The following COX11 variants were observed in gnomAD, a reference collection of about 807,000 sequenced individuals.
The protein encoded by COX11 is cytochrome c oxidase copper chaperone COX11.
In COX11, 18 loss-of-function variants were observed where a neutral mutation model predicts 29.4. The observed-to-expected ratio is 0.61, with a 90% CI of 0.42 to 0.91. The LOEUF is 0.91. Among genes scored for constraint, COX11 ranks in the 40% least tolerant of loss-of-function variants. The pLI is 0.00. For missense variants in COX11, 312 were observed against 346.0 expected (o/e 0.90, Z 0.78); for synonymous variants, 131 against 124.0 (o/e 1.06, Z -0.38).
exon 1 of COX11, chr17:54,954,606 C>G (rs1598072832): frequency 6.6e-6 from 1 of 152,338 alleles, no homozygotes; most frequent in African/African-American, 2.4e-5. Flanking sequence ...GTGGACTATG[C>G]CCCTGTATTG....
intron 1 of COX11, among the ~76,000 whole-genome samples, chr17:54,967,996 CTTT>C (rs66732337): frequency 8.0e-6 from 1 of 124,506 alleles, no homozygotes; most frequent in Non-Finnish European, 1.6e-5. Context: ...GGCTGCGGAC[CTTT>C]TTTTTTTTTT....
In COX11 at chr17:54,968,506, C is replaced by T; in HGVS notation, c.141G>A (p.Glu47=). The T allele has an allele frequency of 7.4e-6, 12 of 1,613,416 alleles. No individual in the cohort carries two copies. The highest frequency in any genetic ancestry group is 1.0e-5 in the Non-Finnish European group (12 of 1,180,002). ...ATGTCCCAAGCCACCTCAGTCCTCT[C>T]TCGGCACCTCCTGTCCCACTCCACT... The part of the protein sequence containing the change: ...RPEWSGTGGA[E]RGLRWLGTWK... Residue 47 remains glutamate (E), a synonymous_variant, in exon 1 of 4, where the codon GAG becomes GAA. Coordinates refer to ENST00000299335, the MANE Select transcript of COX11 (RefSeq NM_004375.5).
At chr17:54,967,989 T>G (rs2077288135) in intron 1 of COX11, among the ~76,000 whole-genome samples, 1 of 114,542 alleles carries the variant, frequency 8.7e-6, no homozygotes, top group Admixed American at 1.2e-4. Flanking sequence ...GGTTAGAGGC[T>G]GCGGACCTTT....
In COX11 at chr17:54,960,672, T is replaced by G. The variant is rs1179386813; in HGVS notation, c.*2061A>C. ...CAACTTAATTCCATATTCCATATAA[T>G]TTCAGTATAATTATCACTTTACATA... On this transcript the variant is annotated 3_prime_UTR_variant, in exon 4 of 4. Coordinates refer to ENST00000299335, the MANE Select transcript of COX11 (RefSeq NM_004375.5). 2.1e-6 allele frequency: 3 copies of G among 1,406,758 alleles called. No individual in the cohort carries two copies. Among genetic ancestry groups the G allele is most frequent in the Non-Finnish European group, 2.0e-6 (2 of 993,414 alleles). The allele number at this position is 1,406,758 out of a possible 1,614,324, so 87.1% of individuals were successfully genotyped here.
rs773895185 is a variant in COX11, at chr17:54,968,460, C to A, written c.187G>T (p.Ala63Ser). 4 of 1,613,470 alleles carry A rather than the reference C, an allele frequency of 2.5e-6. No individual in the cohort carries two copies. Among genetic ancestry groups the A allele is most frequent in the Non-Finnish European group, 3.4e-6 (4 of 1,180,006 alleles). Residue 63 changes from alanine to serine, a missense_variant, in exon 1 of 4, where the codon GCC becomes TCC. Coordinates refer to ENST00000299335, the MANE Select transcript of COX11 (RefSeq NM_004375.5). The part of the protein sequence containing the change: ...LGTWKRCSLR[A>S]RHPALQPPRR... ...GGCGGCTGCAATGCTGGATGCCGGG[C>A]TCGAAGGCTGCAGCGCTTCCATGTC...
At chr17:54,956,553 C>G (rs758104875), downstream of COX11, among the ~76,000 whole-genome samples, 1 of 152,138 alleles carries the variant, frequency 6.6e-6, no homozygotes, top group Non-Finnish European at 1.5e-5. Flanking sequence ...AGTTCATCTA[C>G]CCACCTCAGC....
intron 1 of COX11, among the ~76,000 whole-genome samples, chr17:54,967,164 A>G (rs2077246178): frequency 1.3e-5 from 2 of 152,188 alleles, no homozygotes; most frequent in African/African-American, 4.8e-5. Context: ...CCTAAAACAT[A>G]CTTGACAATT....
intron 3 of COX11, 70 bp downstream of exon 3, chr17:54,963,236 A>G: frequency 6.6e-7 from 1 of 1,507,210 alleles, no homozygotes; most frequent in Non-Finnish European, 9.0e-7. Flanking sequence ...ATCTACTAAA[A>G]CACTAAGTTT....
rs1031525451 is a variant in COX11 at position 54,960,689 on chromosome 17, C to T, written c.*2044G>A. On this transcript the variant is annotated 3_prime_UTR_variant, in exon 4 of 4. Coordinates refer to ENST00000299335, the MANE Select transcript of COX11 (RefSeq NM_004375.5). ...CCATATAATTTCAGTATAATTATCA[C>T]TTTACATATTTAGTATTTAAATTTT... 7.8e-7 allele frequency: 1 copy of T among 1,280,840 alleles called. No homozygotes were observed. The highest frequency in any genetic ancestry group is 1.5e-5 in the African/African-American group (1 of 67,926). 79.3% of individuals were successfully genotyped at this position (1,280,840 alleles called of 1,614,324 possible).
At chr17:54,955,807 A>G (rs995183359), downstream of COX11, among the ~76,000 whole-genome samples, 2 of 152,220 alleles carry the variant, frequency 1.3e-5, no homozygotes, top group African/African-American at 4.8e-5. Context: ...CTCTTTTAGT[A>G]GTTCATGGAG....
At chr17:54,955,978 T>A (rs192161099), downstream of COX11, among the ~76,000 whole-genome samples, 1 of 152,160 alleles carries the variant, frequency 6.6e-6, no homozygotes, top group Non-Finnish European at 1.5e-5. Flanking sequence ...CTGAGGTGAG[T>A]TGGCCCACGC....
exon 1 of COX11, chr17:54,953,008 C>G (rs578174614): frequency 7.2e-5 from 11 of 152,302 alleles, no homozygotes; most frequent in African/African-American, 2.4e-4. Context: ...GAGACACACC[C>G]CTTATATACA....
downstream of COX11, chr17:54,958,396 T>C (rs1308927288): frequency 6.6e-6 from 1 of 152,174 alleles, no homozygotes; most frequent in Admixed American, 6.5e-5. Context: ...AGACAGTAAG[T>C]ACAGATAACT....
At chr17:54,959,475 AAAAAAAG>A (rs2077052811), downstream of COX11, 2 of 152,204 alleles carry the variant, frequency 1.3e-5, no homozygotes, top group African/African-American at 4.8e-5. Flanking sequence ...CCCTGTCTCA[AAAAAAAG>A]AAAAAAGAAA....
In COX11 at chr17:54,968,375, T is replaced by TGCC. The variant is rs2077313120; in HGVS notation, c.269_271dup (p.Arg90dup). 6.2e-6 allele frequency: 10 copies of TGCC among 1,612,946 alleles called. No homozygotes were observed. The highest frequency in any genetic ancestry group is 7.6e-6 in the Non-Finnish European group (9 of 1,179,968). On this transcript the variant is annotated inframe_insertion, in exon 1 of 4. Transcript: ENST00000299335. The stretch of plus-strand genomic sequence containing the variant: ...CACGTAAGTGAGGGTCGTCTTGTTC[T>TGCC]GCCGCCGCCGCTCCTCCTCCTGCGC...
At chr17:54,968,075 G>C (rs1207166772) in intron 1 of COX11, among the ~76,000 whole-genome samples, 1 of 138,246 alleles carries the variant, frequency 7.2e-6, no homozygotes, top group Non-Finnish European at 1.5e-5. Flanking sequence ...CAATCACTAA[G>C]AACTGGATGC....
At chr17:54,954,796 T>TC (rs1356803208) in exon 1 of COX11, 1 of 152,230 alleles carries the variant, frequency 6.6e-6, no homozygotes, top group Non-Finnish European at 1.5e-5. Flanking sequence ...ATTCTGCATT[T>TC]CATCTGCAAG....
At chr17:54,953,532 C>T (rs761357292) in exon 1 of COX11, 4 of 152,436 alleles carry the variant, frequency 2.6e-5, no homozygotes, top group Middle Eastern at 3.4e-3. Context: ...GCTTGTCCTC[C>T]TCCTTCCCTC....
chr17:54,963,087 G>T, intron 3 of COX11, 172 bp from the exon 4 acceptor site: 1 of 787,426 alleles, frequency 1.3e-6, no homozygotes, highest in Non-Finnish European at 2.0e-6. Context: ...AATGAGTTCT[G>T]CTTTAAGGAT....
Sources: gnomAD v4.1 joint callset for allele counts (sites outside exome capture counted in the v4.1 genomes callset) on GRCh38, gnomAD v4.1.1 for gene constraint, MANE v1.5 for transcripts, NCBI Gene and HGNC (gene_info 2026-07-23, HGNC 2026-07-21) for gene names.